The following GABBR2 variants were observed in gnomAD, a reference collection of about 807,000 sequenced individuals.
GABBR2 encodes gamma-aminobutyric acid type B receptor subunit 2.
In GABBR2, 23 loss-of-function variants were observed where a neutral mutation model predicts 105.6. That is an observed-to-expected ratio of 0.22 (90% confidence interval 0.16 to 0.31). The LOEUF is 0.31. GABBR2 is among the 10% of genes least tolerant of loss of function. The probability of loss-of-function intolerance (pLI) is 1.00; values close to 1 mark genes in which losing one functional copy is unlikely to be tolerated. For synonymous variants in GABBR2, 478 were observed against 499.7 expected, an observed-to-expected ratio of 0.96 and a Z score of 0.58; for missense variants, 734 against 1,245.5, an observed-to-expected ratio of 0.59 and a Z score of 6.18.
chr9:98,357,262 G>C (rs1380363720), intron 13 of GABBR2, among the ~76,000 whole-genome samples: 2 of 152,192 alleles, frequency 1.3e-5, no homozygotes, highest in African/African-American at 2.4e-5. Context: ...GGGTACATGA[G>C]AACTCTTTGT....
chr9:98,653,281 G>A (rs1256407507), intron 1 of GABBR2, among the ~76,000 whole-genome samples: 3 of 152,226 alleles, frequency 2.0e-5, no homozygotes, highest in African/African-American at 4.8e-5. Flanking sequence ...TTACAGGCAT[G>A]AGCCATCGCA....
At chr9:98,620,363 G>A (rs1238434162) in intron 1 of GABBR2, among the ~76,000 whole-genome samples, 3 of 151,208 alleles carry the variant, frequency 2.0e-5, no homozygotes, top group Admixed American at 6.6e-5. Flanking sequence ...GTTAAGGACC[G>A]TCTCCTACAT....
At chr9:98,638,717 G>T (rs73504532) in intron 1 of GABBR2, among the ~76,000 whole-genome samples, 3,400 of 152,222 alleles carry the variant, frequency 0.022, 122 homozygotes, top group African/African-American at 0.077. Flanking sequence ...TTTATTGAGG[G>T]TCTAAAGGAA....
intron 1 of GABBR2, among the ~76,000 whole-genome samples, chr9:98,629,503 T>C (rs953129982): frequency 2.6e-5 from 4 of 152,208 alleles, no homozygotes; most frequent in Non-Finnish European, 5.9e-5. Context: ...CTACCTCCAA[T>C]AGCTTCAACA....
At chr9:98,689,488 C>A (rs1227872444) in intron 1 of GABBR2, among the ~76,000 whole-genome samples, 2 of 152,222 alleles carry the variant, frequency 1.3e-5, no homozygotes, top group African/African-American at 4.8e-5. Flanking sequence ...GTAGGATATA[C>A]TGCATTTTCA....
At chr9:98,361,542 G>C (rs560815498) in intron 13 of GABBR2, among the ~76,000 whole-genome samples, 1 of 152,216 alleles carries the variant, frequency 6.6e-6, no homozygotes, top group Admixed American at 6.5e-5. Flanking sequence ...CCCTTGGGAT[G>C]AATTGGGACC....
intron 7 of GABBR2, among the ~76,000 whole-genome samples, chr9:98,425,488 C>A (rs1156795429): frequency 6.6e-6 from 1 of 152,152 alleles, no homozygotes; most frequent in Non-Finnish European, 1.5e-5. Flanking sequence ...TGATCAGTCT[C>A]TTCTGGGCCA....
intron 13 of GABBR2, among the ~76,000 whole-genome samples, chr9:98,329,244 C>T (rs139964878): frequency 6.6e-6 from 1 of 152,342 alleles, no homozygotes; most frequent in East Asian, 1.9e-4. Flanking sequence ...ATGGTTTAAA[C>T]TGGTAGCTTG....
intron 6 of GABBR2, among the ~76,000 whole-genome samples, chr9:98,471,154 A>G (rs1388632839): frequency 6.6e-6 from 1 of 152,240 alleles, no homozygotes; most frequent in Non-Finnish European, 1.5e-5. Context: ...AGAGGCTTCA[A>G]ATTTCCTTGT....
At chr9:98,508,322 A>T (rs575384518) in intron 3 of GABBR2, among the ~76,000 whole-genome samples, 101 of 152,354 alleles carry the variant, frequency 6.6e-4, no homozygotes, top group African/African-American at 2.3e-3. Flanking sequence ...TCCGGTCTAC[A>T]GTTCCCAGCG....
intron 1 of GABBR2, among the ~76,000 whole-genome samples, chr9:98,589,338 A>G (rs1436758286): frequency 6.6e-6 from 1 of 152,200 alleles, no homozygotes; most frequent in East Asian, 1.9e-4. Context: ...AACTCTGAGC[A>G]TCTGCTTCCC....
chr9:98,647,979 T>C (rs994823751), intron 1 of GABBR2, among the ~76,000 whole-genome samples: 6 of 150,064 alleles, frequency 4.0e-5, no homozygotes, highest in African/African-American at 1.5e-4. Flanking sequence ...TTTCTCCAAA[T>C]AAATTGACAG....
intron 12 of GABBR2, among the ~76,000 whole-genome samples, chr9:98,370,988 A>T (rs936704934): frequency 3.3e-5 from 5 of 152,010 alleles, no homozygotes; most frequent in African/African-American, 1.2e-4. Flanking sequence ...TAAAGTGCAG[A>T]TTCCTTAATG....
At chr9:98,332,515 T>A (rs1478679547) in intron 13 of GABBR2, among the ~76,000 whole-genome samples, 1 of 152,170 alleles carries the variant, frequency 6.6e-6, no homozygotes, top group Non-Finnish European at 1.5e-5. Flanking sequence ...GTTAAGTCAC[T>A]CACCCAAGGT....
chr9:98,557,645 C>T (rs1422017072), intron 2 of GABBR2, among the ~76,000 whole-genome samples: 1 of 152,160 alleles, frequency 6.6e-6, no homozygotes, highest in Non-Finnish European at 1.5e-5. Flanking sequence ...TTGAATTAGT[C>T]AGTGGTGTGC....
intron 7 of GABBR2, among the ~76,000 whole-genome samples, chr9:98,416,301 G>T (rs1018529312): frequency 1.3e-5 from 2 of 152,206 alleles, no homozygotes; most frequent in African/African-American, 4.8e-5. Flanking sequence ...CTGCACAACT[G>T]GGTGATAATC....
intron 1 of GABBR2, among the ~76,000 whole-genome samples, chr9:98,653,022 G>C (rs541604964): frequency 2.6e-5 from 4 of 152,254 alleles, no homozygotes; most frequent in East Asian, 1.9e-4. Flanking sequence ...TTAGAGTCAG[G>C]GACTTGCTCT....
intron 1 of GABBR2, among the ~76,000 whole-genome samples, chr9:98,636,818 A>G (rs1342965658): frequency 6.6e-6 from 1 of 152,130 alleles, no homozygotes; most frequent in African/African-American, 2.4e-5. Flanking sequence ...TGGGAAGCAA[A>G]GCATCTCAGA....
chr9:98,545,538 CTGA>C (rs1828381139), intron 2 of GABBR2, among the ~76,000 whole-genome samples: 1 of 152,154 alleles, frequency 6.6e-6, no homozygotes, highest in Admixed American at 6.5e-5. Context: ...TTAAAGAATA[CTGA>C]TGACTTGGTC....
Sources: allele counts gnomAD v4.1 joint callset (sites outside exome capture counted in the v4.1 genomes callset), GRCh38; gene constraint gnomAD v4.1.1; transcripts MANE v1.5; gene names NCBI Gene and HGNC (gene_info 2026-07-23, HGNC 2026-07-21).